GRIN2B: variants seen among roughly 807,000 people sequenced by gnomAD.
GRIN2B encodes the protein glutamate ionotropic receptor NMDA type subunit 2B.
A neutral mutation model predicts 114.5 loss-of-function variants in GRIN2B; 5 were observed. That is an observed-to-expected ratio of 0.04 (90% CI 0.02 to 0.09). The LOEUF (loss-of-function observed/expected upper bound fraction) is 0.09, where lower values mean the gene tolerates loss of function less well. Among genes scored for constraint, GRIN2B ranks in the 10% least tolerant of loss-of-function variants. GRIN2B has a pLI of 1.00. For synonymous variants in GRIN2B, 787 were observed against 745.1 expected, an observed-to-expected ratio of 1.06 and a Z score of -0.92; for missense variants, 1,108 against 1,943.5, an observed-to-expected ratio of 0.57 and a Z score of 8.08.
At chr12:13,692,662 C>G (rs1234760201) in intron 4 of GRIN2B, among the ~76,000 whole-genome samples, 1 of 151,624 alleles carries the variant, frequency 6.6e-6, no homozygotes, top group Non-Finnish European at 1.5e-5. Flanking sequence ...CAGTGTTCAC[C>G]TTGACCCTCA....
chr12:13,902,568 T>C (rs565854164), intron 2 of GRIN2B, among the ~76,000 whole-genome samples: 1 of 152,332 alleles, frequency 6.6e-6, no homozygotes, highest in East Asian at 1.9e-4. Context: ...CCTAGCACTT[T>C]GGGAGGCCAA....
At chr12:13,905,991 T>A (rs1866529020) in intron 2 of GRIN2B, among the ~76,000 whole-genome samples, 1 of 152,148 alleles carries the variant, frequency 6.6e-6, no homozygotes, top group African/African-American at 2.4e-5. Flanking sequence ...GTCCCAAGAT[T>A]TGGTTCTGCC....
intron 2 of GRIN2B, among the ~76,000 whole-genome samples, chr12:13,917,156 T>C (rs1866749071): frequency 6.6e-6 from 1 of 152,150 alleles, no homozygotes; most frequent in African/African-American, 2.4e-5. Context: ...CTTCCAAATT[T>C]AGGCAACCAG....
At chr12:13,673,172 G>A (rs886150841) in intron 5 of GRIN2B, among the ~76,000 whole-genome samples, 8 of 152,148 alleles carry the variant, frequency 5.3e-5, no homozygotes, top group African/African-American at 1.9e-4. Context: ...AAGATGAGGG[G>A]AGGAAGCTGC....
chr12:13,911,651 C>A, intron 2 of GRIN2B, among the ~76,000 whole-genome samples: 1 of 152,080 alleles, frequency 6.6e-6, no homozygotes, highest in Non-Finnish European at 1.5e-5. Context: ...ATGATCTAGA[C>A]CTCGGGGTCT....
chr12:13,892,326 T>C (rs1044317956), intron 2 of GRIN2B, among the ~76,000 whole-genome samples: 4 of 152,244 alleles, frequency 2.6e-5, no homozygotes, highest in Admixed American at 2.0e-4. Context: ...TTGTATTTTA[T>C]GCTTATATGT....
intron 4 of GRIN2B, among the ~76,000 whole-genome samples, chr12:13,692,318 G>C (rs1169279138): frequency 6.6e-6 from 1 of 152,112 alleles, no homozygotes; most frequent in Non-Finnish European, 1.5e-5. Context: ...CTGTAACACA[G>C]GGAGAATCCT....
intron 3 of GRIN2B, among the ~76,000 whole-genome samples, chr12:13,805,902 A>G (rs984728300): frequency 1.3e-5 from 2 of 152,082 alleles, no homozygotes; most frequent in Admixed American, 6.5e-5. Flanking sequence ...TCAACTCCCA[A>G]TGGTAACCAC....
chr12:13,636,325 C>T (rs1035836957), intron 5 of GRIN2B, among the ~76,000 whole-genome samples: 1 of 152,114 alleles, frequency 6.6e-6, no homozygotes, highest in African/African-American at 2.4e-5. Context: ...GGACACAGAC[C>T]ATGCTGGGCC....
At chr12:13,972,252 G>C (rs1328176720) in intron 2 of GRIN2B, among the ~76,000 whole-genome samples, 2 of 151,994 alleles carry the variant, frequency 1.3e-5, no homozygotes, top group African/African-American at 4.8e-5. Flanking sequence ...ATTTGTTTTT[G>C]TTTAAGCTCT....
chr12:13,572,043 A>AAGAG, intron 10 of GRIN2B, 79 bp from the exon 11 acceptor site: 1 of 1,116,546 alleles, frequency 9.0e-7, no homozygotes, highest in Non-Finnish European at 1.3e-6. Flanking sequence ...AGAAAATGTG[A>AAGAG]AGAGACATTA....
intron 2 of GRIN2B, among the ~76,000 whole-genome samples, chr12:13,931,159 TA>T (rs1237156014): frequency 1.3e-5 from 2 of 152,214 alleles, no homozygotes; most frequent in African/African-American, 4.8e-5. Flanking sequence ...TAAATTATAC[TA>T]GTTGAAAGAC....
intron 5 of GRIN2B, among the ~76,000 whole-genome samples, chr12:13,618,759 T>C (rs1240520972): frequency 6.6e-6 from 1 of 152,198 alleles, no homozygotes; most frequent in East Asian, 1.9e-4. Context: ...AATCCTTAGT[T>C]CAACTTGGAA....
intron 2 of GRIN2B, among the ~76,000 whole-genome samples, chr12:13,967,861 G>A (rs1867813939): frequency 6.6e-6 from 1 of 152,230 alleles, no homozygotes; most frequent in Non-Finnish European, 1.5e-5. Context: ...GTCAGAGCAA[G>A]AGGCATGAGC....
intron 5 of GRIN2B, among the ~76,000 whole-genome samples, chr12:13,648,232 C>T (rs1949780947): frequency 6.6e-6 from 1 of 152,044 alleles, no homozygotes. Flanking sequence ...TCAGAAAAAG[C>T]TCAACGGACA....
intron 4 of GRIN2B, among the ~76,000 whole-genome samples, chr12:13,741,604 G>A (rs1382199422): frequency 1.3e-5 from 2 of 152,122 alleles, no homozygotes; most frequent in Non-Finnish European, 2.9e-5. Context: ...CACCCAGGCT[G>A]GAGTGCAGTG....
chr12:13,615,805 G>C lies in GRIN2B; in HGVS notation c.1329-141C>G, dbSNP rs529373201. On this transcript the variant is annotated intron_variant, in intron 6 of 13. Transcript: ENST00000609686. This position sits in a 1 kb window ranked among gnomAD's most constrained non-coding sequence, Gnocchi z 5.8. ...GCTCAGCACAATTTATACTAGACTC[G>C]AGTGAAGAAATAAAGCAGGCAACAG... The C allele has an allele frequency of 1.4e-6, 1 of 723,886 alleles. No homozygotes were observed. The highest frequency in any genetic ancestry group is 1.5e-5 in the South Asian group (1 of 66,568). 44.8% of individuals were successfully genotyped at this position (723,886 alleles called of 1,614,324 possible). A position where few individuals can be genotyped will look rare whatever the true frequency, so the allele number is the denominator to read the frequency against.
At chr12:13,900,952 T>C (rs183246299) in intron 2 of GRIN2B, among the ~76,000 whole-genome samples, 169 of 152,268 alleles carry the variant, frequency 1.1e-3, no homozygotes, top group African/African-American at 4.0e-3. Context: ...ATAAGACCTT[T>C]GGGTTGATTC....
In GRIN2B at chr12:13,562,850, C is replaced by G. The variant is rs1408420096; in HGVS notation, c.4388G>C (p.Arg1463Thr). ...CCCATTGCTGGAGCCATTGAAAGCC[C>G]TGGGGTTTTTGTTGTTAGGCACACA... Reference protein sequence around the residue: ...NPCVPNNKNPRAFNGSSNGHV... With the variant: ...NPCVPNNKNPTAFNGSSNGHV... The change falls in exon 14 of 14, where the codon AGG (arginine) becomes ACG (threonine). Residue 1463 changes from arginine to threonine, a missense_variant. Transcript: ENST00000609686. 3 of 1,614,136 alleles carry G rather than the reference C, an allele frequency of 1.9e-6. No homozygotes were observed.
Sources: gnomAD v4.1 joint callset for allele counts (sites outside exome capture counted in the v4.1 genomes callset) on GRCh38, gnomAD v4.1.1 for gene constraint, Gnocchi (gnomAD v3.1) non-coding constraint, MANE v1.5 for transcripts, NCBI Gene and HGNC (gene_info 2026-07-23, HGNC 2026-07-21) for gene names.